SYBU: variants seen among roughly 807,000 people sequenced by gnomAD.
SYBU encodes syntabulin, also known as GOLSYN A protein.
A neutral mutation model predicts 35.9 loss-of-function variants in SYBU; 21 were observed. That is an observed-to-expected ratio of 0.58 (90% CI 0.41 to 0.84). SYBU has a LOEUF of 0.84. Ranked by LOEUF, SYBU falls within the 40% of genes least tolerant of loss-of-function variation. The probability of loss-of-function intolerance (pLI) is 0.00; values close to 1 mark genes in which losing one functional copy is unlikely to be tolerated. For missense variants in SYBU, 768 were observed against 848.2 expected (o/e 0.91, Z 1.17); for synonymous variants, 319 against 324.3 (o/e 0.98, Z 0.18).
At chr8:109,603,347 G>C in intron 3 of SYBU, 1 of 957,444 alleles carries the variant, frequency 1.0e-6, no homozygotes, top group Non-Finnish European at 1.2e-6. Flanking sequence ...AATGAATGAA[G>C]CATACTCACA....
At chr8:109,651,899 A>ATCT (rs1278491683) in intron 1 of SYBU, among the ~76,000 whole-genome samples, 9 of 152,186 alleles carry the variant, frequency 5.9e-5, no homozygotes, top group African/African-American at 2.2e-4. Context: ...AGGACACTGA[A>ATCT]TTTCTCATTA....
chr8:109,646,244 T>G (rs1399594610), upstream of SYBU: 1 of 152,220 alleles, frequency 6.6e-6, no homozygotes, highest in Non-Finnish European at 1.5e-5. Flanking sequence ...CTGATCCTTA[T>G]GCACCAGTGT....
At chr8:109,625,595 A>T (rs1179161714) in intron 2 of SYBU, among the ~76,000 whole-genome samples, 2 of 151,588 alleles carry the variant, frequency 1.3e-5, no homozygotes, top group Admixed American at 1.3e-4. Context: ...CTTATTTTTA[A>T]TTTTTTTTAA....
At chr8:109,577,653 G>C (rs1008025271) in intron 6 of SYBU, among the ~76,000 whole-genome samples, 2 of 152,006 alleles carry the variant, frequency 1.3e-5, no homozygotes, top group South Asian at 2.1e-4. Context: ...AAAAACAAAG[G>C]TTCCCCTCTA....
chr8:109,686,482 CACTT>C (rs1404473436), intron 1 of SYBU, among the ~76,000 whole-genome samples: 1 of 152,176 alleles, frequency 6.6e-6, no homozygotes, highest in Non-Finnish European at 1.5e-5. Flanking sequence ...GGCTCCTACT[CACTT>C]AGACTATCAT....
In SYBU at chr8:109,619,064, T is replaced by C. The variant is rs556337733; in HGVS notation, c.230-25A>G. ...TCTAGAAGACAGGAATCAATAAGTG[T>C]TTAATGATGAGGAGGAAATCAATGA... On this transcript the variant is annotated intron_variant, in intron 2 of 6. Coordinates refer to ENST00000276646, the MANE Select transcript of SYBU (RefSeq NM_001099754.2). 425 of 1,575,250 alleles carry C rather than the reference T, an allele frequency of 2.7e-4. 4 individuals carry two copies. In the Middle Eastern group the frequency reaches 6.4e-3, roughly 24 times the overall value.
intron 2 of SYBU, 40 bp downstream of exon 2, chr8:109,642,688 C>A (rs1428702027): frequency 2.1e-6 from 3 of 1,461,902 alleles, no homozygotes; most frequent in Non-Finnish European, 2.8e-6. Flanking sequence ...CTGCAGTGCA[C>A]ACGCTTCACG....
intron 3 of SYBU, among the ~76,000 whole-genome samples, chr8:109,615,269 T>C (rs1256447629): frequency 6.6e-6 from 1 of 152,190 alleles, no homozygotes; most frequent in Admixed American, 6.5e-5. Context: ...AAGTAGAGCA[T>C]GCATCAAGAG....
intron 4 of SYBU, among the ~76,000 whole-genome samples, chr8:109,583,137 C>T (rs1823230049): frequency 6.6e-6 from 1 of 152,174 alleles, no homozygotes; most frequent in Non-Finnish European, 1.5e-5. Flanking sequence ...TCTCCTAGTA[C>T]TACTTTCACC....
intron 1 of SYBU, among the ~76,000 whole-genome samples, chr8:109,671,304 T>C (rs1353695809): frequency 1.3e-5 from 2 of 152,066 alleles, no homozygotes; most frequent in South Asian, 4.1e-4. Flanking sequence ...TGAGTGCATA[T>C]TTCATAAGCT....
At chr8:109,582,816 GT>G (rs1823195784) in intron 4 of SYBU, among the ~76,000 whole-genome samples, 1 of 152,146 alleles carries the variant, frequency 6.6e-6, no homozygotes, top group Non-Finnish European at 1.5e-5. Flanking sequence ...CCCTAATCCA[GT>G]TTAACTGGTG....
At chr8:109,618,749 AT>A (rs1812098458) in intron 3 of SYBU, 92 bp downstream of exon 3, 1 of 1,154,324 alleles carries the variant, frequency 8.7e-7, no homozygotes, top group Non-Finnish European at 1.3e-6. Context: ...GGTATTTGTG[AT>A]CCCCGACTCG....
At chr8:109,651,098 A>G (rs1266634373) in intron 1 of SYBU, among the ~76,000 whole-genome samples, 1 of 152,212 alleles carries the variant, frequency 6.6e-6, no homozygotes, top group Non-Finnish European at 1.5e-5. Flanking sequence ...CCTTATCACT[A>G]CTGACAAACA....
intron 2 of SYBU, among the ~76,000 whole-genome samples, chr8:109,622,225 C>CATCT (rs1554619980): frequency 7.5e-5 from 10 of 133,050 alleles, no homozygotes; most frequent in South Asian, 4.8e-4. Flanking sequence ...ATCTATCTAT[C>CATCT]ATCTATCTAT....
chr8:109,679,156 C>T (rs531580013), intron 1 of SYBU, among the ~76,000 whole-genome samples: 14 of 152,262 alleles, frequency 9.2e-5, no homozygotes, highest in African/African-American at 2.9e-4. Context: ...CTCCTACCAG[C>T]GCCATGACAG....
At chr8:109,667,210 G>A (rs547405803) in intron 1 of SYBU, among the ~76,000 whole-genome samples, 130 of 151,664 alleles carry the variant, frequency 8.6e-4, no homozygotes, top group African/African-American at 3.0e-3. Context: ...TCCACCTCCC[G>A]GGTTCAGGCC....
chr8:109,574,852 T>C lies in SYBU; in HGVS notation c.*54A>G. ...ACAGATGATTGACTTCCTGTTTCTC[T>C]ACCTGGCACAACCCACATGGGACAC... On this transcript the variant is annotated 3_prime_UTR_variant, in exon 7 of 7. Transcript: ENST00000276646. The C allele has an allele frequency of 3.4e-6, 5 of 1,489,670 alleles. No individual in the cohort carries two copies. Among genetic ancestry groups the C allele is most frequent in the Non-Finnish European group, 3.6e-6 (4 of 1,118,124 alleles). The allele number at this position is 1,489,670 out of a possible 1,614,324, so 92.3% of individuals were successfully genotyped here. A position where few individuals can be genotyped will look rare whatever the true frequency, so the allele number is the denominator to read the frequency against.
Position 109,575,241 on chromosome 8 carries a change from G to T in SYBU, c.1657C>A (p.Leu553Ile). The change falls in exon 7 of 7, where the codon CTT becomes ATT. Residue 553 changes from leucine to isoleucine, a missense_variant. Physicochemically the swap from Leu to Ile is conservative, Grantham distance 5. Coordinates refer to ENST00000276646, the MANE Select transcript of SYBU (RefSeq NM_001099754.2). ...TAGGGGGTCTCCACGGGAGACAAAA[G>T]GATGGCTGAGTTTGGATTTCTTGGA... is the stretch of plus-strand genomic sequence containing the variant. ...LTPRNPNSAI[L>I]LSPVETPYAN... is the part of the protein sequence containing the mutation. The T allele has an allele frequency of 1.9e-6, 3 of 1,614,242 alleles. No individual in the cohort carries two copies. Among genetic ancestry groups the T allele is most frequent in the Non-Finnish European group, 2.5e-6 (3 of 1,180,046 alleles).
Position 109,586,159 on chromosome 8 carries a change from C to T in SYBU, c.431G>A (p.Ser144Asn), listed in dbSNP as rs1482428464. ...GCTCGAGGAGCTAAAATCAGCTTCA[C>T]TACCTGAAAAACAACAGGGGAGAGA... ...ESKSGLVKPG[S>N]EADFSSSSST... Residue 144 changes from serine to asparagine, a missense_variant, in exon 4 of 7, where the codon AGT becomes AAT. By Grantham distance (46) the Ser-to-Asn change is conservative. Coordinates refer to ENST00000276646, the MANE Select transcript of SYBU (RefSeq NM_001099754.2). The T allele has an allele frequency of 1.1e-5, 18 of 1,603,684 alleles. No individual in the cohort carries two copies. Among genetic ancestry groups the T allele is most frequent in the Non-Finnish European group, 1.5e-5 (18 of 1,175,362 alleles).
Sources: allele counts gnomAD v4.1 joint callset (sites outside exome capture counted in the v4.1 genomes callset), GRCh38; gene constraint gnomAD v4.1.1; transcripts MANE v1.5; gene names NCBI Gene and HGNC (gene_info 2026-07-23, HGNC 2026-07-21).